The following GTF2F2 variants were observed in gnomAD, a reference collection of about 807,000 sequenced individuals.
The protein encoded by GTF2F2 is general transcription factor IIF subunit 2, also known as ATP-dependent helicase GTF2F2.
A neutral mutation model predicts 42.2 loss-of-function variants in GTF2F2; 23 were observed. The ratio of observed to expected loss-of-function variants is 0.55; its 90% CI spans 0.39 to 0.77. The LOEUF is 0.77. Ranked by LOEUF, GTF2F2 falls within the 30% of genes least tolerant of loss-of-function variation. The pLI, the probability that GTF2F2 is intolerant of heterozygous loss-of-function variation, is 0.00. For missense variants in GTF2F2, 261 were observed against 287.2 expected (o/e 0.91, Z 0.66); for synonymous variants, 105 against 100.8 (o/e 1.04, Z -0.25).
Position 45,283,507 on chromosome 13 carries a change from A to C in GTF2F2, c.696A>C (p.Thr232=), listed in dbSNP as rs747098650. The change falls in exon 8 of 8, where the codon ACA becomes ACC. Residue 232 remains threonine, a synonymous_variant. Transcript: ENST00000340473. The stretch of plus-strand genomic sequence containing the variant: ...ATGTAAAAGGGATCCACAAAAACAC[A>C]TGGGAGCTGAAGCCAGAGTACAGAC... ...VQNVKGIHKN[T]WELKPEYRHY... 1 of 1,612,864 alleles carries C rather than the reference A, an allele frequency of 6.2e-7. No homozygotes were observed. The highest frequency in any genetic ancestry group is 8.5e-7 in the Non-Finnish European group (1 of 1,179,048).
chr13:45,201,984 C>G (rs376087836), intron 4 of GTF2F2, among the ~76,000 whole-genome samples: 1 of 152,170 alleles, frequency 6.6e-6, no homozygotes, highest in African/African-American at 2.4e-5. Context: ...AGCACAGACA[C>G]ACAGAGGCCA....
chr13:45,144,457 C>CTTTTTTTTTTTTTTTTTTTTTTGTT (rs11326737), intron 2 of GTF2F2, among the ~76,000 whole-genome samples: 1 of 74,022 alleles, frequency 1.4e-5, no homozygotes, highest in Non-Finnish European at 2.5e-5. Context: ...TTTTTTTGGT[C>CTTTTTTTTTTTTTTTTTTTTTTGTT]TTTTTTTTTT....
chr13:45,269,408 G>A (rs1876696695), intron 7 of GTF2F2, among the ~76,000 whole-genome samples: 1 of 152,170 alleles, frequency 6.6e-6, no homozygotes, highest in African/African-American at 2.4e-5. Flanking sequence ...TAGGCCAGAG[G>A]TAGTTACCTC....
At chr13:45,194,686 C>G in intron 4 of GTF2F2, 2 of 911,528 alleles carry the variant, frequency 2.2e-6, no homozygotes, top group South Asian at 3.3e-5. Flanking sequence ...GAAACGCTGG[C>G]AGCATCGCCT....
At chr13:45,146,199 TA>T (rs1870184977) in intron 2 of GTF2F2, among the ~76,000 whole-genome samples, 3 of 152,146 alleles carry the variant, frequency 2.0e-5, no homozygotes, top group African/African-American at 7.2e-5. Flanking sequence ...GAAGTATGAA[TA>T]GGAATTAAAA....
At chr13:45,237,522 G>A (rs1593509860) in intron 5 of GTF2F2, among the ~76,000 whole-genome samples, 1 of 152,118 alleles carries the variant, frequency 6.6e-6, no homozygotes, top group African/African-American at 2.4e-5. Flanking sequence ...TACATACTAT[G>A]GGACAGGCCA....
chr13:45,126,376 T>C (rs1274285554), intron 1 of GTF2F2, among the ~76,000 whole-genome samples: 1 of 151,184 alleles, frequency 6.6e-6, no homozygotes, highest in African/African-American at 2.4e-5. Context: ...CTCAGCCTCC[T>C]GAGTAGCTGG....
intron 4 of GTF2F2, among the ~76,000 whole-genome samples, chr13:45,160,910 A>G (rs771204431): frequency 6.6e-6 from 1 of 152,198 alleles, no homozygotes; most frequent in Non-Finnish European, 1.5e-5. Flanking sequence ...TAGCTAGCTC[A>G]GCACTCAACT....
intron 5 of GTF2F2, among the ~76,000 whole-genome samples, chr13:45,229,327 T>C (rs966226043): frequency 6.6e-6 from 1 of 152,106 alleles, no homozygotes; most frequent in Middle Eastern, 3.4e-3. Flanking sequence ...ACCGCCTTCT[T>C]TGTACAGCAA....
At chr13:45,212,540 T>TTC (rs113400293) in intron 5 of GTF2F2, among the ~76,000 whole-genome samples, 1 of 125,634 alleles carries the variant, frequency 8.0e-6, no homozygotes, top group African/African-American at 3.0e-5. Flanking sequence ...CTTTCTCACT[T>TTC]TCTCTCTCTC....
chr13:45,143,453 T>A (rs1051624049), intron 2 of GTF2F2, among the ~76,000 whole-genome samples: 21 of 152,216 alleles, frequency 1.4e-4, no homozygotes, highest in Non-Finnish European at 1.5e-4. Flanking sequence ...TCTGAGGAGA[T>A]GATATTAATA....
intron 2 of GTF2F2, among the ~76,000 whole-genome samples, chr13:45,144,537 G>C (rs1461804615): frequency 7.1e-6 from 1 of 139,914 alleles, no homozygotes; most frequent in African/African-American, 2.7e-5. Context: ...CTCGGCTTGG[G>C]TTCACGCCAT....
chr13:45,207,389 T>C, intron 4 of GTF2F2, 35 bp from the exon 5 acceptor site: 1 of 1,231,876 alleles, frequency 8.1e-7, no homozygotes, highest in South Asian at 1.2e-5. Context: ...AAATGATAAG[T>C]ATTATCTCTG....
rs1566137129 is a variant in GTF2F2 at position 45,212,468 on chromosome 13, TTTCTTTCTTTCTTTC to T, written c.386+4966_386+4980del. On this transcript the variant is annotated intron_variant, in intron 5 of 7. Transcript: ENST00000340473. ...TCTTGTTTCTTTCTTTCTTTCTTTCTTTCTTTCTTTCTTTCTTTCTTTCTTTCTTTCTTTCTTTCT... is the reference window on the plus strand; with the variant it reads ...TCTTGTTTCTTTCTTTCTTTCTTTCTTTTCTTTCTTTCTTTCTTTCTTTCT... Among the ~76,000 whole-genome samples the T allele has an allele frequency of 3.6e-3, 485 of 135,150 alleles. 31 individuals are homozygous for T. Among genetic ancestry groups the T allele is most frequent in the African/African-American group, 0.014 (465 of 33,862 alleles). 88.7% of individuals were successfully genotyped at this position (135,150 alleles called of 152,430 possible). A position where few individuals can be genotyped will look rare whatever the true frequency, so the allele number is the denominator to read the frequency against.
intron 2 of GTF2F2, among the ~76,000 whole-genome samples, chr13:45,142,502 T>TA (rs1240696117): frequency 4.6e-5 from 7 of 152,188 alleles, no homozygotes; most frequent in Admixed American, 3.3e-4. Flanking sequence ...TAGTGGTTTT[T>TA]ACCTATGCCA....
chr13:45,185,877 C>A (rs538128655), intron 4 of GTF2F2, among the ~76,000 whole-genome samples: 6 of 151,972 alleles, frequency 3.9e-5, no homozygotes, highest in Non-Finnish European at 5.9e-5. Context: ...AGATGGATTT[C>A]TCTTAAAATA....
chr13:45,264,275 T>C (rs1397690222), intron 6 of GTF2F2, among the ~76,000 whole-genome samples: 1 of 150,794 alleles, frequency 6.6e-6, no homozygotes, highest in Non-Finnish European at 1.5e-5. Flanking sequence ...ATTTTTTATT[T>C]TTATTTTTTT....
intron 4 of GTF2F2, among the ~76,000 whole-genome samples, chr13:45,187,105 G>A (rs1237226968): frequency 6.6e-6 from 1 of 152,114 alleles, no homozygotes; most frequent in Non-Finnish European, 1.5e-5. Context: ...AAAGGGATAC[G>A]TTGGCAAGGT....
chr13:45,243,952 C>T (rs961797910), intron 5 of GTF2F2, among the ~76,000 whole-genome samples: 3 of 152,200 alleles, frequency 2.0e-5, no homozygotes, highest in African/African-American at 4.8e-5. Context: ...TGAGCCACTG[C>T]GCCCTGCCAG....
Sources: allele counts gnomAD v4.1 joint callset (sites outside exome capture counted in the v4.1 genomes callset), GRCh38; gene constraint gnomAD v4.1.1; transcripts MANE v1.5; gene names NCBI Gene and HGNC (gene_info 2026-07-23, HGNC 2026-07-21).